The following TTLL5 variants were observed in gnomAD, a reference collection of about 807,000 sequenced individuals.
TTLL5 encodes tubulin tyrosine ligase like 5, also known as tubulin polyglutamylase TTLL5.
Under a neutral mutation model 168.4 loss-of-function variants are expected in TTLL5, and 132 were observed. The ratio of observed to expected loss-of-function variants is 0.78; its 90% CI spans 0.68 to 0.91. The LOEUF (loss-of-function observed/expected upper bound fraction) is 0.91, where lower values mean the gene tolerates loss of function less well. Among genes scored for constraint, TTLL5 ranks in the 40% least tolerant of loss-of-function variants. The pLI, the probability that TTLL5 is intolerant of heterozygous loss-of-function variation, is 0.00. For synonymous variants in TTLL5, 546 were observed against 558.6 expected, an observed-to-expected ratio of 0.98 and a Z score of 0.32; for missense variants, 1,545 against 1,581.5, an observed-to-expected ratio of 0.98 and a Z score of 0.39.
At chr14:75,830,168 G>A (rs1895479912) in intron 28 of TTLL5, among the ~76,000 whole-genome samples, 1 of 152,082 alleles carries the variant, frequency 6.6e-6, no homozygotes, top group Non-Finnish European at 1.5e-5. Context: ...TGGTCACTTG[G>A]ATAATTAAAA....
intron 18 of TTLL5, among the ~76,000 whole-genome samples, chr14:75,754,544 A>G (rs1330786927): frequency 6.6e-6 from 1 of 152,180 alleles, no homozygotes; most frequent in Admixed American, 6.6e-5. Flanking sequence ...GAAGGAGGGC[A>G]GAGTAGGCAT....
chr14:75,707,009 A>T lies in TTLL5; in HGVS notation c.586-9A>T, dbSNP rs1566821972. ...TTCTATTCTTTCATTCTTTCTCTTT[A>T]CTCAATAGCCAAACCAGATCTCCCT... is the stretch of plus-strand genomic sequence containing the variant. On this transcript the variant is annotated splice_polypyrimidine_tract_variant and intron_variant, in intron 7 of 31. Coordinates refer to ENST00000298832, the MANE Select transcript of TTLL5 (RefSeq NM_015072.5). 4 of 1,602,710 alleles carry T rather than the reference A, an allele frequency of 2.5e-6. No homozygotes were observed. Among genetic ancestry groups the T allele is most frequent in the Non-Finnish European group, 3.4e-6 (4 of 1,171,812 alleles).
chr14:75,874,076 C>CTTTCTTTATTTA (rs2031262799), intron 29 of TTLL5, among the ~76,000 whole-genome samples: 1 of 149,856 alleles, frequency 6.7e-6, no homozygotes, highest in Non-Finnish European at 1.5e-5. Context: ...AATGGTTATT[C>CTTTCTTTATTTA]TTTATTTATT....
rs556920779 is a variant in TTLL5 at position 75,754,696 on chromosome 14, C to T, written c.1550+1741C>T. On this transcript the variant is annotated intron_variant, in intron 18 of 31. Transcript: ENST00000298832. ...AGCTAGCAGCAGATCTAATACCTAC[C>T]GTAATTTCAAACAGTGATAAATATT... 2.0e-4 allele frequency among the ~76,000 whole-genome samples: 31 copies of T among 152,126 alleles called. No individual in the cohort carries two copies. The South Asian group carries it at 2.5e-3, about 12-fold the overall frequency.
chr14:75,893,212 A>G (rs2032487798), intron 30 of TTLL5, among the ~76,000 whole-genome samples: 1 of 152,228 alleles, frequency 6.6e-6, no homozygotes, highest in South Asian at 2.1e-4. Context: ...ATAATTGGAC[A>G]AGCAACGCTT....
At chr14:75,789,823 A>C (rs1048642443) in intron 26 of TTLL5, among the ~76,000 whole-genome samples, 1 of 152,234 alleles carries the variant, frequency 6.6e-6, no homozygotes, top group Admixed American at 6.5e-5. Flanking sequence ...TACGGTTCCA[A>C]TCAAAATCTC....
At chr14:75,705,915 A>T (rs1217927531) in intron 7 of TTLL5, among the ~76,000 whole-genome samples, 2 of 151,880 alleles carry the variant, frequency 1.3e-5, no homozygotes, top group Non-Finnish European at 2.9e-5. Flanking sequence ...AATCCACAAT[A>T]ATTTCCTGCT....
chr14:75,929,914 T>C (rs1437604111), intron 31 of TTLL5, among the ~76,000 whole-genome samples: 3 of 152,178 alleles, frequency 2.0e-5, no homozygotes, highest in African/African-American at 4.8e-5. Flanking sequence ...CCAAACTCAG[T>C]TTAAAGTAAC....
At chr14:75,681,415 C>A in intron 3 of TTLL5, 130 bp from the exon 4 acceptor site, 1 of 707,126 alleles carries the variant, frequency 1.4e-6, no homozygotes, top group Non-Finnish European at 2.3e-6. Flanking sequence ...AAAATACGTT[C>A]AACTTATTTA....
chr14:75,694,630 A>G (rs1377124636), intron 6 of TTLL5, among the ~76,000 whole-genome samples: 4 of 152,170 alleles, frequency 2.6e-5, no homozygotes, highest in Non-Finnish European at 5.9e-5. Context: ...CACTGCGCCC[A>G]GCCAGATGTT....
intron 12 of TTLL5, 122 bp downstream of exon 12, chr14:75,720,825 T>G: frequency 2.5e-6 from 2 of 805,734 alleles, no homozygotes; most frequent in Non-Finnish European, 4.2e-6. Flanking sequence ...GGACTCTTCT[T>G]TCTAAGCTCA....
chr14:75,882,267 T>A (rs2031857764), intron 29 of TTLL5, among the ~76,000 whole-genome samples: 2 of 152,190 alleles, frequency 1.3e-5, no homozygotes, highest in African/African-American at 4.8e-5. Flanking sequence ...AGTTTTGGAT[T>A]GGGCAGGAAT....
At chr14:75,849,119 A>G (rs551652311) in intron 28 of TTLL5, among the ~76,000 whole-genome samples, 1 of 152,298 alleles carries the variant, frequency 6.6e-6, no homozygotes, top group African/African-American at 2.4e-5. Flanking sequence ...AATTTATGTA[A>G]TTGTCACACA....
intron 30 of TTLL5, among the ~76,000 whole-genome samples, chr14:75,897,400 A>G (rs1326168570): frequency 6.6e-6 from 1 of 152,222 alleles, no homozygotes; most frequent in Non-Finnish European, 1.5e-5. Context: ...GTCTTATTAT[A>G]GTTTTTAAGT....
intron 20 of TTLL5, among the ~76,000 whole-genome samples, chr14:75,769,167 C>T (rs1891130406): frequency 6.6e-6 from 1 of 152,138 alleles, no homozygotes; most frequent in Non-Finnish European, 1.5e-5. Flanking sequence ...GTGGCTCTCG[C>T]TTTGAATGAG....
intron 20 of TTLL5, among the ~76,000 whole-genome samples, chr14:75,771,296 G>A (rs1209505526): frequency 2.0e-5 from 3 of 152,138 alleles, no homozygotes; most frequent in Non-Finnish European, 2.9e-5. Context: ...GTGTGATGGT[G>A]TGCACCTGTA....
intron 31 of TTLL5, among the ~76,000 whole-genome samples, chr14:75,947,045 G>C (rs2034797241): frequency 6.6e-6 from 1 of 152,180 alleles, no homozygotes. Context: ...CAGGCCCTGG[G>C]GGCCAAGGAG....
Position 75,747,022 on chromosome 14 carries a change from A to G in TTLL5, c.1487+1441A>G, listed in dbSNP as rs902833967. Among the ~76,000 whole-genome samples, 3 of 150,946 alleles carry G rather than the reference A, an allele frequency of 2.0e-5. No homozygotes were observed. In the East Asian group the frequency reaches 5.8e-4, roughly 29 times the overall value. On this transcript the variant is annotated intron_variant, in intron 17 of 31. Coordinates refer to ENST00000298832, the MANE Select transcript of TTLL5 (RefSeq NM_015072.5). The stretch of plus-strand genomic sequence containing the variant: ...TTATTTCTTCAAATATTTTTTTCTA[A>G]TTTTCTCCTTTCCTGTCTTCTTTTG...
chr14:75,707,459 T>C (rs1886738921), intron 8 of TTLL5, among the ~76,000 whole-genome samples, 164 bp from the exon 9 acceptor site: 1 of 152,104 alleles, frequency 6.6e-6, no homozygotes, highest in Non-Finnish European at 1.5e-5. Flanking sequence ...TTATATAGTA[T>C]AATTATTAGT....
Sources: gnomAD v4.1 joint callset for allele counts (sites outside exome capture counted in the v4.1 genomes callset) on GRCh38, gnomAD v4.1.1 for gene constraint, MANE v1.5 for transcripts, NCBI Gene and HGNC (gene_info 2026-07-23, HGNC 2026-07-21) for gene names.